SHISA9: variants seen among roughly 807,000 people sequenced by gnomAD.
The protein encoded by SHISA9 is protein shisa-9.
Under a neutral mutation model 38.0 loss-of-function variants are expected in SHISA9, and 13 were observed. That is an observed-to-expected ratio of 0.34 (90% CI 0.22 to 0.54). The LOEUF (loss-of-function observed/expected upper bound fraction) is 0.54, where lower values mean the gene tolerates loss of function less well. Among genes scored for constraint, SHISA9 ranks in the 20% least tolerant of loss-of-function variants. The probability of loss-of-function intolerance (pLI) is 0.91; values close to 1 mark genes in which losing one functional copy is unlikely to be tolerated. For synonymous variants in SHISA9, 275 were observed against 242.0 expected (o/e 1.14, Z -1.27); for missense variants, 538 against 575.8 (o/e 0.93, Z 0.67).
chr16:13,075,225 C>T (rs1285846722), intron 2 of SHISA9, among the ~76,000 whole-genome samples: 3 of 152,180 alleles, frequency 2.0e-5, no homozygotes, highest in Non-Finnish European at 4.4e-5. Flanking sequence ...TGGGAATTTC[C>T]TAATCATCTG....
At chr16:13,441,021 G>A in the SHISA9 span, among the ~76,000 whole-genome samples, 5 of 152,186 alleles carry the variant, frequency 3.3e-5, no homozygotes, top group East Asian at 7.7e-4. Context: ...AATAATGAGA[G>A]CAAGAGGTGG....
At chr16:13,035,497 C>G (rs1476668116) in intron 2 of SHISA9, among the ~76,000 whole-genome samples, 1 of 151,674 alleles carries the variant, frequency 6.6e-6, no homozygotes, top group Non-Finnish European at 1.5e-5. Flanking sequence ...TTGCATTATT[C>G]TGAGGTTGAT....
intron 2 of SHISA9, among the ~76,000 whole-genome samples, chr16:12,957,286 TA>T (rs1482800209): frequency 6.6e-6 from 1 of 152,242 alleles, no homozygotes; most frequent in Non-Finnish European, 1.5e-5. Flanking sequence ...CTGATTTTCT[TA>T]GTCTGCTTGG....
intron 2 of SHISA9, among the ~76,000 whole-genome samples, chr16:12,993,029 CT>C (rs2072408555): frequency 6.6e-6 from 1 of 152,214 alleles, no homozygotes; most frequent in African/African-American, 2.4e-5. Flanking sequence ...TTGGGACATA[CT>C]CTTCATTTCC....
the SHISA9 span, among the ~76,000 whole-genome samples, chr16:13,532,589 G>A: frequency 4.6e-4 from 69 of 151,124 alleles, 1 homozygote; most frequent in African/African-American, 1.6e-3. Flanking sequence ...GTGTGTGAAC[G>A]CTAACTAAAA....
At chr16:13,389,979 T>C in the SHISA9 span, among the ~76,000 whole-genome samples, 119,690 of 152,086 alleles carry the variant, frequency 0.79, 47,243 homozygotes, top group East Asian at 0.96. Flanking sequence ...AATACTGGGT[T>C]AGGCACCTGG....
the SHISA9 span, among the ~76,000 whole-genome samples, chr16:13,482,539 C>T: frequency 6.6e-6 from 1 of 152,204 alleles, no homozygotes; most frequent in African/African-American, 2.4e-5. Context: ...GTGGCTCATG[C>T]CTGTAATCCT....
chr16:13,452,721 C>T, the SHISA9 span, among the ~76,000 whole-genome samples: 6 of 151,988 alleles, frequency 3.9e-5, no homozygotes, highest in Non-Finnish European at 5.9e-5. Context: ...TTGGCTCAAC[C>T]TCTTCAACCT....
At chr16:13,029,501 C>T (rs375643110) in intron 2 of SHISA9, among the ~76,000 whole-genome samples, 21 of 152,106 alleles carry the variant, frequency 1.4e-4, no homozygotes, top group Non-Finnish European at 2.5e-4. Context: ...CGAGCCTACT[C>T]GGGAGGCTAA....
intron 2 of SHISA9, among the ~76,000 whole-genome samples, chr16:13,109,011 C>T (rs962077338): frequency 6.6e-5 from 10 of 152,158 alleles, no homozygotes; most frequent in Non-Finnish European, 1.3e-4. Flanking sequence ...CTGCTTTGAC[C>T]TGGCTCTCTC....
At chr16:13,204,009 A>G (rs1178864248) in intron 3 of SHISA9, among the ~76,000 whole-genome samples, 2 of 151,966 alleles carry the variant, frequency 1.3e-5, no homozygotes, top group African/African-American at 4.8e-5. Flanking sequence ...TTATCCATCT[A>G]TCTACCTACC....
chr16:13,418,209 G>GAAA, the SHISA9 span, among the ~76,000 whole-genome samples: 35 of 141,426 alleles, frequency 2.5e-4, no homozygotes, highest in South Asian at 6.7e-4. Context: ...GATCTTTGAA[G>GAAA]AAAAAAAAAA....
chr16:13,383,990 C>G, the SHISA9 span, among the ~76,000 whole-genome samples: 1 of 152,096 alleles, frequency 6.6e-6, no homozygotes, highest in East Asian at 1.9e-4. Context: ...AATATTTTGA[C>G]TTTGATTTTT....
chr16:13,303,713 G>A, the SHISA9 span, among the ~76,000 whole-genome samples: 4 of 152,136 alleles, frequency 2.6e-5, no homozygotes, highest in Admixed American at 6.6e-5. Context: ...AAATGCCACC[G>A]AATTGTTCAC....
At chr16:13,244,334 G>A (rs1177706798), downstream of SHISA9, among the ~76,000 whole-genome samples, 1 of 152,126 alleles carries the variant, frequency 6.6e-6, no homozygotes, top group Non-Finnish European at 1.5e-5. Context: ...CCACTTATGT[G>A]TGAATTTTCT....
rs545401384 is a variant in SHISA9, at chr16:13,208,277, A to G, written c.847+4728A>G. 3.3e-5 allele frequency among the ~76,000 whole-genome samples: 5 copies of G among 152,246 alleles called. No homozygotes were observed. In the South Asian group the frequency reaches 6.2e-4, roughly 19 times the overall value. Reference sequence around the variant, plus strand: ...CCATTCATTTCCTGCCAACTCAGGGAAAAAACGGTTTGAATAAAGGGTGTT... The same window carrying G: ...CCATTCATTTCCTGCCAACTCAGGGGAAAAACGGTTTGAATAAAGGGTGTT... On this transcript the variant is annotated intron_variant, in intron 3 of 4. Coordinates refer to ENST00000558583, the MANE Select transcript of SHISA9 (RefSeq NM_001145204.3).
chr16:12,922,945 C>T (rs970146716), intron 2 of SHISA9, among the ~76,000 whole-genome samples: 2 of 152,130 alleles, frequency 1.3e-5, no homozygotes, highest in Non-Finnish European at 2.9e-5. Flanking sequence ...CTGTACCGCC[C>T]CTGCCCCACC....
intron 2 of SHISA9, among the ~76,000 whole-genome samples, chr16:13,032,131 C>G (rs2072998431): frequency 6.6e-6 from 1 of 151,926 alleles, no homozygotes; most frequent in Non-Finnish European, 1.5e-5. Flanking sequence ...AGGTTTTAAG[C>G]CCCGCGTGCA....
chr16:13,309,189 A>G, the SHISA9 span, among the ~76,000 whole-genome samples: 2 of 151,966 alleles, frequency 1.3e-5, no homozygotes, highest in African/African-American at 4.8e-5. Context: ...CTGGGGGGCC[A>G]GGGGGTAATG....
Sources: gnomAD v4.1 joint callset for allele counts (sites outside exome capture counted in the v4.1 genomes callset) on GRCh38, gnomAD v4.1.1 for gene constraint, MANE v1.5 for transcripts, NCBI Gene and HGNC (gene_info 2026-07-23, HGNC 2026-07-21) for gene names.